The following JAKMIP3 variants were observed in gnomAD, a reference collection of about 807,000 sequenced individuals.
JAKMIP3 encodes janus kinase and microtubule-interacting protein 3.
A neutral mutation model predicts 118.5 loss-of-function variants in JAKMIP3; 58 were observed. The ratio of observed to expected loss-of-function variants is 0.49; its 90% confidence interval spans 0.40 to 0.61. The LOEUF (loss-of-function observed/expected upper bound fraction) is 0.61. JAKMIP3 is among the 20% of genes least tolerant of loss of function. The probability of loss-of-function intolerance (pLI) is 0.00; values close to 1 mark genes in which losing one functional copy is unlikely to be tolerated. For missense variants in JAKMIP3, 950 were observed against 1,109.0 expected (o/e 0.86, Z 2.04); for synonymous variants, 486 against 451.2 (o/e 1.08, Z -0.98).
At chr10:132,066,626 T>G (rs914526990) in intron 1 of JAKMIP3, among the ~76,000 whole-genome samples, 2 of 152,250 alleles carry the variant, frequency 1.3e-5, no homozygotes, top group African/African-American at 4.8e-5. Context: ...GGATGGTGTC[T>G]TCTCTTTAAA....
intron 3 of JAKMIP3, among the ~76,000 whole-genome samples, chr10:132,130,480 C>G (rs1324701935): frequency 6.6e-6 from 1 of 152,366 alleles, no homozygotes; most frequent in East Asian, 1.9e-4. Context: ...GAGGGCCCCC[C>G]TGAGGTGCAG....
At position 132,142,123 on chromosome 10, in the gene JAKMIP3, A is replaced by G. The variant is rs150681485; in HGVS notation, c.1602+75A>G. 2,107 of 1,451,856 alleles carry G rather than the reference A, an allele frequency of 1.5e-3. 34 individuals carry two copies. In the African/African-American group the frequency reaches 0.026, roughly 18 times the overall value. The allele number at this position is 1,451,856 out of a possible 1,614,324, so 89.9% of individuals were successfully genotyped here. ...TTGACCCCGTGGCCTGGGCTGGGAC[A>G]CCCCCCTCACTAGCCCTCCTGGGCC... On this transcript the variant is annotated intron_variant, in intron 11 of 23. Transcript: ENST00000684848.
chr10:132,128,163 G>A (rs1307314677), intron 3 of JAKMIP3, among the ~76,000 whole-genome samples: 1 of 152,198 alleles, frequency 6.6e-6, no homozygotes, highest in Non-Finnish European at 1.5e-5. Context: ...CATTTCCAAG[G>A]ATGTATTCAT....
intron 1 of JAKMIP3, among the ~76,000 whole-genome samples, chr10:132,089,432 T>C (rs2042843309): frequency 6.6e-6 from 1 of 152,254 alleles, no homozygotes; most frequent in Admixed American, 6.5e-5. Context: ...ACATCCCTTG[T>C]AAGTTGGATT....
At chr10:132,180,668 T>TGTGCGC (rs2061006841) in intron 23 of JAKMIP3, among the ~76,000 whole-genome samples, 2 of 28,052 alleles carry the variant, frequency 7.1e-5, no homozygotes, top group Admixed American at 9.5e-4. Flanking sequence ...CGTGTGTGCG[T>TGTGCGC]GTGTGTGCGC....
At chr10:132,163,114 TC>T (rs2058528321) in intron 19 of JAKMIP3, 94 bp from the exon 20 acceptor site, 1 of 1,223,308 alleles carries the variant, frequency 8.2e-7, no homozygotes. Context: ...TTGGCCCTGC[TC>T]CCAGGCGGAG....
intron 1 of JAKMIP3, among the ~76,000 whole-genome samples, chr10:132,067,824 CTGGACTGTGGGCTTCTGTG>C (rs1395437467): frequency 7.2e-6 from 1 of 138,398 alleles, no homozygotes. Context: ...TCCGTGTGGA[CTGGACTGTGGGCTTCTGTG>C]TGGACTGTGG....
At chr10:132,107,711 G>A (rs551898090) in intron 2 of JAKMIP3, among the ~76,000 whole-genome samples, 2 of 152,326 alleles carry the variant, frequency 1.3e-5, no homozygotes, top group South Asian at 2.1e-4. Context: ...TCAGTTCCAC[G>A]TGGAACAGTG....
upstream of JAKMIP3, among the ~76,000 whole-genome samples, chr10:132,064,531 G>A (rs769886430): frequency 2.6e-5 from 4 of 152,186 alleles, no homozygotes; most frequent in African/African-American, 4.8e-5. The surrounding 1 kb of genome is among the most constrained non-coding windows in gnomAD (Gnocchi z 4.4). Context: ...ATCCAGCTCC[G>A]GGACCTGACA....
intron 20 of JAKMIP3, among the ~76,000 whole-genome samples, chr10:132,164,177 C>T (rs947483882): frequency 6.6e-6 from 1 of 152,200 alleles, no homozygotes; most frequent in African/African-American, 2.4e-5. Context: ...CCTCCTGGGC[C>T]TCTTTGGTCT....
intron 23 of JAKMIP3, among the ~76,000 whole-genome samples, chr10:132,172,758 C>T (rs2059625831): frequency 6.6e-6 from 1 of 151,808 alleles, no homozygotes; most frequent in African/African-American, 2.4e-5. Context: ...GTCCATAACC[C>T]CTTCCCCAGG....
intron 1 of JAKMIP3, among the ~76,000 whole-genome samples, chr10:132,077,889 A>G (rs2379222): frequency 0.66 from 99,641 of 152,070 alleles, 34,821 homozygotes; most frequent in East Asian, 0.99. Context: ...TCGGCTCACT[A>G]CAACCTCCAC....
At chr10:132,157,095 C>T (rs1326937640) in intron 19 of JAKMIP3, among the ~76,000 whole-genome samples, 1 of 152,118 alleles carries the variant, frequency 6.6e-6, no homozygotes, top group Non-Finnish European at 1.5e-5. Flanking sequence ...GAGAGATGGT[C>T]ATCATGCCAA....
At chr10:132,070,364 T>C (rs1337219284) in intron 1 of JAKMIP3, among the ~76,000 whole-genome samples, 2 of 152,112 alleles carry the variant, frequency 1.3e-5, no homozygotes, top group African/African-American at 2.4e-5. Context: ...GTCAGGCTGG[T>C]CTTGAACTCC....
chr10:132,159,350 G>T (rs1302928140), intron 19 of JAKMIP3, among the ~76,000 whole-genome samples: 15 of 103,662 alleles, frequency 1.4e-4, no homozygotes, highest in Non-Finnish European at 1.9e-4. Flanking sequence ...TGCTGAGGGG[G>T]CCTCTCCCTG....
intron 2 of JAKMIP3, 47 bp downstream of exon 2, chr10:132,104,990 C>T (rs1468251837): frequency 6.4e-7 from 1 of 1,553,604 alleles, no homozygotes; most frequent in Middle Eastern, 1.7e-4. Context: ...TCCCTCCTGC[C>T]TCCCCTGGGG....
chr10:132,039,087 C>T (rs1390810536), intron 1 of JAKMIP3, among the ~76,000 whole-genome samples: 1 of 152,212 alleles, frequency 6.6e-6, no homozygotes, highest in African/African-American at 2.4e-5. Flanking sequence ...CCTAAAATCA[C>T]CAGAACTAAG....
intron 23 of JAKMIP3, among the ~76,000 whole-genome samples, chr10:132,170,937 G>A (rs534312258): frequency 3.9e-4 from 59 of 152,352 alleles, no homozygotes; most frequent in Non-Finnish European, 6.9e-4. Context: ...GGCCCCAAGC[G>A]TCACGTTGCA....
chr10:132,036,929 C>A (rs1283237050), intron 1 of JAKMIP3, among the ~76,000 whole-genome samples: 1 of 152,040 alleles, frequency 6.6e-6, no homozygotes, highest in African/African-American at 2.4e-5. Context: ...CGGCGGTCCC[C>A]CCGTGGGCGG....
Sources: allele counts gnomAD v4.1 joint callset (sites outside exome capture counted in the v4.1 genomes callset), GRCh38; gene constraint gnomAD v4.1.1; non-coding constraint Gnocchi (gnomAD v3.1); transcripts MANE v1.5; gene names NCBI Gene and HGNC (gene_info 2026-07-23, HGNC 2026-07-21).